Variants in NHSL1 observed in about 807,000 individuals in gnomAD.
NHSL1 encodes the protein NHS-like protein 1.
A neutral mutation model predicts 95.0 loss-of-function variants in NHSL1; 48 were observed. The observed-to-expected ratio is 0.51, with a 90% confidence interval of 0.40 to 0.64. The LOEUF (loss-of-function observed/expected upper bound fraction) is 0.64. Ranked by LOEUF, NHSL1 falls within the 30% of genes least tolerant of loss-of-function variation. NHSL1 has a pLI of 0.00. For missense variants in NHSL1, 1,971 were observed against 2,077.7 expected (o/e 0.95, Z 1.00); for synonymous variants, 783 against 833.9 (o/e 0.94, Z 1.05).
At chr6:138,686,581 C>T (rs901404334) in intron 1 of NHSL1, among the ~76,000 whole-genome samples, 10 of 151,926 alleles carry the variant, frequency 6.6e-5, no homozygotes, top group Admixed American at 5.9e-4. Flanking sequence ...TTTTTAAATC[C>T]CTCAGTAGAA....
rs1247801513 is a variant in NHSL1, at chr6:138,431,286, G to C, written c.3059C>G (p.Pro1020Arg). 2.0e-6 allele frequency: 3 copies of C among 1,501,140 alleles called. No individual in the cohort carries two copies. Among genetic ancestry groups the C allele is most frequent in the East Asian group, 2.5e-5 (1 of 40,496 alleles). 93.0% of individuals were successfully genotyped at this position (1,501,140 alleles called of 1,614,324 possible). A position where few individuals can be genotyped will look rare whatever the true frequency, so the allele number is the denominator to read the frequency against. The change falls in exon 6 of 8, where the codon CCC becomes CGC. Residue 1020 changes from proline to arginine, a missense_variant. Transcript: ENST00000343505. The surrounding 1 kb of genome is among the most constrained non-coding windows in gnomAD (Gnocchi z 4.0). ...LPPPLLPSSE[P>R]PPAPPLDPKF... is the part of the protein sequence containing the mutation. ...GGGGTCAAGAGGTGGGGCAGGTGGG[G>C]GTTCCGAGGAAGGTAAGAGAGGTGG... is the stretch of plus-strand genomic sequence containing the variant.
At position 138,447,484 on chromosome 6, in the gene NHSL1, T is replaced by C. The variant is rs559843033; in HGVS notation, c.340-291A>G. Among the ~76,000 whole-genome samples, 6 of 152,240 alleles carry C rather than the reference T, an allele frequency of 3.9e-5. No homozygotes were observed. The East Asian group carries it at 1.2e-3, about 29-fold the overall frequency. ...CCTCTATCTACTGTGGTCAGAAAGC[T>C]CATGGAATGGCCGGCGTGGTGGCTC... On this transcript the variant is annotated intron_variant, in intron 3 of 7. Transcript: ENST00000343505.
upstream of NHSL1, among the ~76,000 whole-genome samples, chr6:138,575,415 C>T (rs138601648): frequency 3.8e-3 from 583 of 152,264 alleles, 6 homozygotes; most frequent in African/African-American, 0.013. Flanking sequence ...GATAACTAGT[C>T]CATTCAGGGA....
rs752998849 is a variant in NHSL1, at chr6:138,611,745, C to CAAAATA, written c.96+80725_96+80730dup. Among the ~76,000 whole-genome samples the CAAAATA allele has an allele frequency of 9.3e-3, 1,401 of 150,322 alleles. 24 individuals carry two copies. Among genetic ancestry groups the CAAAATA allele is most frequent in the African/African-American group, 0.032 (1,287 of 40,752 alleles). On this transcript the variant is annotated intron_variant, in intron 1 of 3. Coordinates refer to the NHSL1 transcript ENST00000491526. ...TGGGCGAAAGAGCGAGACTCCAACA[C>CAAAATA]AAAATAAAAATAAAAATAAAAATAA...
At chr6:138,438,021 T>C (rs565868387) in intron 5 of NHSL1, among the ~76,000 whole-genome samples, 3 of 152,340 alleles carry the variant, frequency 2.0e-5, no homozygotes, top group Non-Finnish European at 4.4e-5. Flanking sequence ...CAGAATATTA[T>C]ATGAACTTAG....
chr6:138,473,786 C>G (rs1562306874), intron 2 of NHSL1, among the ~76,000 whole-genome samples: 1 of 151,674 alleles, frequency 6.6e-6, no homozygotes, highest in African/African-American at 2.4e-5. Flanking sequence ...GAGCAGTGGA[C>G]TCGGAATATT....
chr6:138,464,799 G>GTC (rs1354155820), intron 3 of NHSL1, among the ~76,000 whole-genome samples: 74 of 137,906 alleles, frequency 5.4e-4, no homozygotes, highest in Non-Finnish European at 6.5e-4. Flanking sequence ...TGCAACCTCT[G>GTC]CCTCGCAGGT....
intron 1 of NHSL1, among the ~76,000 whole-genome samples, chr6:138,527,409 C>T (rs1379793539): frequency 6.6e-6 from 1 of 152,096 alleles, no homozygotes. Flanking sequence ...AGTTTCTCTT[C>T]TTTTTTTAAT....
intron 1 of NHSL1, among the ~76,000 whole-genome samples, chr6:138,515,656 C>T (rs567323954): frequency 6.6e-6 from 1 of 152,210 alleles, no homozygotes; most frequent in Non-Finnish European, 1.5e-5. Flanking sequence ...TCTTGTCCAT[C>T]AGGCATTCTA....
chr6:138,608,362 A>G (rs1170730523), intron 1 of NHSL1, among the ~76,000 whole-genome samples: 1 of 145,424 alleles, frequency 6.9e-6, no homozygotes, highest in Non-Finnish European at 1.5e-5. Context: ...TAATTCATAC[A>G]TGAAGCAGAA....
intron 2 of NHSL1, among the ~76,000 whole-genome samples, chr6:138,476,255 C>A (rs1779059715): frequency 6.6e-6 from 1 of 152,128 alleles, no homozygotes; most frequent in African/African-American, 2.4e-5. Context: ...AAGTATCCAT[C>A]AACAGTTGAC....
At chr6:138,512,254 C>T (rs1433344464) in intron 1 of NHSL1, 2 of 453,986 alleles carry the variant, frequency 4.4e-6, no homozygotes, top group Admixed American at 4.8e-5. Flanking sequence ...CTTATTACAA[C>T]TGCTTTCTGA....
At chr6:138,458,828 C>CAAAAAAAAAAAACAAAAA (rs1777801034) in intron 3 of NHSL1, among the ~76,000 whole-genome samples, 1 of 124,228 alleles carries the variant, frequency 8.0e-6, no homozygotes, top group Non-Finnish European at 1.7e-5. Context: ...AAATCTGTCT[C>CAAAAAAAAAAAACAAAAA]AAAAAAAAAA....
At chr6:138,552,902 G>A (rs117645669) in intron 1 of NHSL1, among the ~76,000 whole-genome samples, 4,343 of 152,260 alleles carry the variant, frequency 0.029, 80 homozygotes, top group South Asian at 0.05. Context: ...CCCTGATGTC[G>A]CTTCAAAGCA....
At chr6:138,472,969 C>A (rs1032947802) in intron 3 of NHSL1, among the ~76,000 whole-genome samples, 4 of 152,084 alleles carry the variant, frequency 2.6e-5, no homozygotes, top group Admixed American at 2.6e-4. Flanking sequence ...ATTTTTCTAA[C>A]CAAAAAAGAA....
chr6:138,546,192 T>C (rs182561561), upstream of NHSL1, among the ~76,000 whole-genome samples: 877 of 152,212 alleles, frequency 5.8e-3, 22 homozygotes, highest in Admixed American at 0.048. Flanking sequence ...CTTTGCACTC[T>C]GTTGTCTGAG....
intron 3 of NHSL1, among the ~76,000 whole-genome samples, chr6:138,451,387 T>G (rs564509088): frequency 6.6e-6 from 1 of 152,324 alleles, no homozygotes; most frequent in African/African-American, 2.4e-5. Flanking sequence ...CTATTCAATT[T>G]CAACCTCTTT....
chr6:138,627,889 A>G (rs988108130), intron 1 of NHSL1, among the ~76,000 whole-genome samples: 2 of 152,144 alleles, frequency 1.3e-5, no homozygotes, highest in Non-Finnish European at 2.9e-5. Flanking sequence ...TAAAAATAAA[A>G]ATAAAAAAAA....
chr6:138,663,449 C>T (rs142150160), intron 1 of NHSL1, among the ~76,000 whole-genome samples: 128 of 150,774 alleles, frequency 8.5e-4, no homozygotes, highest in African/African-American at 3.0e-3. Context: ...ATCTCAGCTA[C>T]GCGGGAGGCT....
Sources: gnomAD v4.1 joint callset for allele counts (sites outside exome capture counted in the v4.1 genomes callset) on GRCh38, gnomAD v4.1.1 for gene constraint, Gnocchi (gnomAD v3.1) non-coding constraint, MANE v1.5 for transcripts, NCBI Gene and HGNC (gene_info 2026-07-23, HGNC 2026-07-21) for gene names.